LMLN: variants seen among roughly 807,000 people sequenced by gnomAD.
LMLN encodes leishmanolysin-like peptidase.
LMLN carries 70 observed loss-of-function variants against 92.3 expected under a neutral mutation model. The observed-to-expected ratio is 0.76, with a 90% CI of 0.63 to 0.92. LMLN has a LOEUF of 0.92. LMLN is among the 40% of genes least tolerant of loss of function. The pLI, the probability that LMLN is intolerant of heterozygous loss-of-function variation, is 0.00. For missense variants in LMLN, 691 were observed against 814.6 expected, an observed-to-expected ratio of 0.85 and a Z score of 1.85; for synonymous variants, 308 against 296.2, an observed-to-expected ratio of 1.04 and a Z score of -0.41.
chr3:197,961,195 A>G (rs1029255847), intron 1 of LMLN, among the ~76,000 whole-genome samples: 21 of 152,122 alleles, frequency 1.4e-4, no homozygotes, highest in Admixed American at 1.3e-3. Context: ...CTTATTTTTT[A>G]GGCGTATCTT....
At chr3:197,988,480 C>T (rs1164348002) in intron 8 of LMLN, among the ~76,000 whole-genome samples, 2 of 132,782 alleles carry the variant, frequency 1.5e-5, no homozygotes, top group Admixed American at 1.8e-4. Flanking sequence ...TGGATTTACC[C>T]CTTTTTTTTT....
rs576401751 is a variant in LMLN at position 198,023,724 on chromosome 3, T to C, written c.1526-934T>C. On this transcript the variant is annotated intron_variant, in intron 13 of 15. Coordinates refer to ENST00000330198, the Ensembl canonical transcript of LMLN. ...TAAAGAGAGCAAATTACTGCTCGGG[T>C]TTAAGAGCTTTGTCCCTTTGTCCAT... Among the ~76,000 whole-genome samples, 4 of 152,332 alleles carry C rather than the reference T, an allele frequency of 2.6e-5. 1 individual carries two copies. In the South Asian group the frequency reaches 6.2e-4, roughly 24 times the overall value.
At position 198,038,794 on chromosome 3, in the gene LMLN, T is replaced by C. The variant is rs73891808; in HGVS notation, c.*127T>C. ...CATTCCTGGCTTTGGCTTGGAAGAA[T>C]TGACGACCATCAGACCTTGAAGCAG... is the stretch of plus-strand genomic sequence containing the variant. On this transcript the variant is annotated 3_prime_UTR_variant, in exon 16 of 16. Coordinates refer to ENST00000330198, the Ensembl canonical transcript of LMLN. 763 of 729,056 alleles carry C rather than the reference T, an allele frequency of 1.0e-3. 6 individuals are homozygous for C. In the African/African-American group the frequency reaches 0.012, roughly 11 times the overall value. 45.2% of individuals were successfully genotyped at this position (729,056 alleles called of 1,614,324 possible). A position where few individuals can be genotyped will look rare whatever the true frequency, so the allele number is the denominator to read the frequency against.
intron 8 of LMLN, among the ~76,000 whole-genome samples, chr3:197,990,331 G>A (rs1313532240): frequency 2.0e-5 from 3 of 151,944 alleles, no homozygotes; most frequent in Non-Finnish European, 4.4e-5. Context: ...CTGAGGTGCT[G>A]GGATTACAGG....
rs144177282 is a variant in LMLN at position 198,017,800 on chromosome 3, C to T, written c.1233-1453C>T. 4.6e-5 allele frequency among the ~76,000 whole-genome samples: 7 copies of T among 152,166 alleles called. No individual in the cohort carries two copies. The East Asian group carries it at 7.7e-4, about 17-fold the overall frequency. ...GGTGTAGTGGGACACACCTGTAGTCCGAGCTACTTGGGAGGCTGAGGGAGG... is the reference window on the plus strand; with the variant it reads ...GGTGTAGTGGGACACACCTGTAGTCTGAGCTACTTGGGAGGCTGAGGGAGG... On this transcript the variant is annotated intron_variant, in intron 11 of 15. Transcript: ENST00000330198.
exon 16 of LMLN, chr3:198,040,345 C>G (rs889985223): frequency 6.6e-6 from 1 of 152,138 alleles, no homozygotes; most frequent in African/African-American, 2.4e-5. Context: ...TCCCCAGAAG[C>G]AATTTTACAC....
intron 5 of LMLN, among the ~76,000 whole-genome samples, chr3:197,977,906 C>T (rs1721442591): frequency 6.6e-6 from 1 of 151,752 alleles, no homozygotes; most frequent in Admixed American, 6.6e-5. Context: ...ATTCTGGATA[C>T]ATATAAAAAT....
intron 14 of LMLN, 90 bp downstream of exon 15, chr3:198,024,878 T>G (rs987742131): frequency 1.5e-5 from 16 of 1,084,840 alleles, no homozygotes; most frequent in Non-Finnish European, 2.1e-5. Flanking sequence ...TTTCATATTT[T>G]ATGTCATTAA....
At chr3:197,969,723 T>C (rs1246169049) in intron 1 of LMLN, among the ~76,000 whole-genome samples, 1 of 152,234 alleles carries the variant, frequency 6.6e-6, no homozygotes, top group Non-Finnish European at 1.5e-5. Flanking sequence ...GTAGTGTACT[T>C]ATGGTATCTA....
chr3:198,033,124 C>T (rs552605384), intron 14 of LMLN, among the ~76,000 whole-genome samples: 1 of 152,274 alleles, frequency 6.6e-6, no homozygotes, highest in African/African-American at 2.4e-5. Flanking sequence ...AATGAGAATA[C>T]TTCAACTTCA....
intron 9 of LMLN, among the ~76,000 whole-genome samples, chr3:197,991,690 C>G (rs1721875569): frequency 2.6e-5 from 4 of 152,110 alleles, no homozygotes; most frequent in Non-Finnish European, 5.9e-5. Flanking sequence ...TCCAGAATAT[C>G]TGGGCCAAAT....
chr3:198,041,508 C>CA (rs1274961293), exon 16 of LMLN: 1 of 152,072 alleles, frequency 6.6e-6, no homozygotes, highest in Non-Finnish European at 1.5e-5. Flanking sequence ...GGTCCATGCC[C>CA]AAGATACCTC....
intron 4 of LMLN, 73 bp downstream of exon 4, chr3:197,976,184 C>G: frequency 2.2e-6 from 2 of 889,586 alleles, no homozygotes; most frequent in Middle Eastern, 2.2e-4. Flanking sequence ...ATGAACATGG[C>G]AAGGTATGAA....
intron 9 of LMLN, among the ~76,000 whole-genome samples, chr3:197,990,970 G>C (rs1007616998): frequency 3.9e-5 from 6 of 152,102 alleles, no homozygotes; most frequent in African/African-American, 1.4e-4. Context: ...ATTTTCTTTG[G>C]TGTCTGTATT....
chr3:197,988,938 C>A (rs1163824311), intron 8 of LMLN, among the ~76,000 whole-genome samples: 1 of 152,204 alleles, frequency 6.6e-6, no homozygotes. Context: ...CCATCTCGGC[C>A]TCCCAAAGTG....
chr3:197,966,390 T>C (rs1721061803), intron 1 of LMLN, among the ~76,000 whole-genome samples: 1 of 152,216 alleles, frequency 6.6e-6, no homozygotes. Flanking sequence ...GGCATGATGT[T>C]GAATAAGAGT....
intron 1 of LMLN, among the ~76,000 whole-genome samples, chr3:197,962,006 G>A (rs1268556485): frequency 6.6e-6 from 1 of 152,030 alleles, no homozygotes. Flanking sequence ...TTCTTTTGAA[G>A]TTTTTTGGTA....
intron 10 of LMLN, among the ~76,000 whole-genome samples, chr3:197,998,905 C>T (rs1198542209): frequency 6.6e-6 from 1 of 152,210 alleles, no homozygotes; most frequent in Admixed American, 6.5e-5. Flanking sequence ...TTCTCCCTGA[C>T]CCCAAATTAT....
At chr3:197,997,757 A>G (rs541256763) in intron 10 of LMLN, among the ~76,000 whole-genome samples, 8 of 152,332 alleles carry the variant, frequency 5.3e-5, no homozygotes, top group African/African-American at 1.9e-4. Flanking sequence ...TGAATTTCAC[A>G]TGAGTTCATT....
Sources: allele counts gnomAD v4.1 joint callset (sites outside exome capture counted in the v4.1 genomes callset), GRCh38; gene constraint gnomAD v4.1.1; transcripts MANE v1.5; gene names NCBI Gene and HGNC (gene_info 2026-07-23, HGNC 2026-07-21).